Variants in XYLT1 observed in about 807,000 individuals in gnomAD.
The protein encoded by XYLT1 is xylosyltransferase 1, also known as beta-D-xylosyltransferase 1.
Under a neutral mutation model 91.3 loss-of-function variants are expected in XYLT1, and 36 were observed. That is an observed-to-expected ratio of 0.39 (90% CI 0.30 to 0.52). XYLT1 has a LOEUF of 0.52. Ranked by LOEUF, XYLT1 falls within the 20% of genes least tolerant of loss-of-function variation. The probability of loss-of-function intolerance (pLI) is 0.68; values close to 1 mark genes in which losing one functional copy is unlikely to be tolerated. For missense variants in XYLT1, 1,242 were observed against 1,284.5 expected (o/e 0.97, Z 0.51); for synonymous variants, 588 against 532.0 (o/e 1.11, Z -1.45).
chr16:17,323,638 C>T (rs1361328635), intron 2 of XYLT1, among the ~76,000 whole-genome samples: 1 of 152,170 alleles, frequency 6.6e-6, no homozygotes, highest in African/African-American at 2.4e-5. Context: ...ACATGTAGCC[C>T]AGGGGACATT....
intron 1 of XYLT1, 70 bp from the exon 2 acceptor site, chr16:17,358,120 TC>T: frequency 1.4e-6 from 2 of 1,380,964 alleles, no homozygotes; most frequent in Admixed American, 2.3e-5. Flanking sequence ...AGCATCTTTT[TC>T]TTTCTTTCCT....
In XYLT1 at chr16:17,448,165, C is replaced by T. The variant is rs147153307; in HGVS notation, c.363+22269G>A. Among the ~76,000 whole-genome samples the T allele has an allele frequency of 4.1e-3, 626 of 152,306 alleles. 3 individuals carry two copies. The highest frequency in any genetic ancestry group is 0.014 in the African/African-American group (585 of 41,560). ...GGTGGATCACTTGAGGTCAGGAGTT[C>T]AAGACCAGCCTGGCCAACATAGTGA... is the stretch of plus-strand genomic sequence containing the variant. On this transcript the variant is annotated intron_variant, in intron 1 of 11. Coordinates refer to ENST00000261381, the MANE Select transcript of XYLT1 (RefSeq NM_022166.4).
intron 1 of XYLT1, among the ~76,000 whole-genome samples, chr16:17,397,403 G>T (rs1452159881): frequency 6.6e-6 from 1 of 152,092 alleles, no homozygotes; most frequent in Non-Finnish European, 1.5e-5. Context: ...GACAACATTG[G>T]ATGGCTGGGA....
At chr16:17,137,531 G>C (rs1008238005) in intron 8 of XYLT1, 2 of 152,348 alleles carry the variant, frequency 1.3e-5, no homozygotes, top group Non-Finnish European at 2.9e-5. Context: ...GGGAGGGCTG[G>C]AGGAAGAAGC....
intron 2 of XYLT1, among the ~76,000 whole-genome samples, chr16:17,271,663 C>T (rs2033896859): frequency 6.6e-6 from 1 of 152,146 alleles, no homozygotes; most frequent in East Asian, 1.9e-4. Flanking sequence ...CCCACTAGAC[C>T]CCAGTCATGT....
At chr16:17,363,719 T>C (rs2035412390) in intron 1 of XYLT1, among the ~76,000 whole-genome samples, 1 of 152,138 alleles carries the variant, frequency 6.6e-6, no homozygotes, top group African/African-American at 2.4e-5. Flanking sequence ...TTTTAGAATA[T>C]TTTTAGTAGA....
intron 3 of XYLT1, among the ~76,000 whole-genome samples, chr16:17,235,307 A>ATTT (rs2033229811): frequency 3.8e-5 from 3 of 79,976 alleles, no homozygotes; most frequent in South Asian, 4.9e-4. Context: ...CATCATTATC[A>ATTT]TCTTTTTTTT....
chr16:17,440,168 G>C (rs888996569), intron 1 of XYLT1, among the ~76,000 whole-genome samples: 1 of 152,212 alleles, frequency 6.6e-6, no homozygotes, highest in Non-Finnish European at 1.5e-5. Flanking sequence ...ACTGAGGCCA[G>C]CTAACAACTA....
At chr16:17,386,314 A>C (rs1301824656) in intron 1 of XYLT1, among the ~76,000 whole-genome samples, 2 of 152,172 alleles carry the variant, frequency 1.3e-5, no homozygotes, top group Non-Finnish European at 2.9e-5. Flanking sequence ...GGATAACACT[A>C]CCTTAAAAGA....
At chr16:17,222,275 G>T (rs1469218428) in intron 3 of XYLT1, among the ~76,000 whole-genome samples, 1 of 152,158 alleles carries the variant, frequency 6.6e-6, no homozygotes, top group East Asian at 1.9e-4. Flanking sequence ...TCTCCCTGAG[G>T]ACATCTAGCA....
At chr16:17,297,963 G>T (rs1454089679) in intron 2 of XYLT1, among the ~76,000 whole-genome samples, 1 of 151,906 alleles carries the variant, frequency 6.6e-6, no homozygotes, top group Admixed American at 6.6e-5. Flanking sequence ...GGAGCTTGCA[G>T]TGAGCCGAGA....
At chr16:17,128,277 T>C (rs2030333930) in intron 9 of XYLT1, among the ~76,000 whole-genome samples, 1 of 152,264 alleles carries the variant, frequency 6.6e-6, no homozygotes, top group Non-Finnish European at 1.5e-5. Context: ...ATAGTTGGCA[T>C]CTATCTATCC....
At position 17,219,280 on chromosome 16, in the gene XYLT1, C is replaced by CAAAAAAAAAAAAAAAAAA. The variant is rs369055155; in HGVS notation, c.914-18644_914-18627dup. Among the ~76,000 whole-genome samples the CAAAAAAAAAAAAAAAAAA allele has an allele frequency of 8.6e-4, 73 of 84,892 alleles. 1 individual carries two copies. The highest frequency in any genetic ancestry group is 1.0e-3 in the Non-Finnish European group (48 of 45,736). 55.7% of individuals were successfully genotyped at this position (84,892 alleles called of 152,430 possible). Reference sequence around the variant, plus strand: ...TGGGCGACTAAGCAAGACTTTGTCTCAAAAAAAAAAAAAAAAAAAAAGAAA... The same window carrying CAAAAAAAAAAAAAAAAAA: ...TGGGCGACTAAGCAAGACTTTGTCTCAAAAAAAAAAAAAAAAAAAAAAAAAAAAAAAAAAAAAAAGAAA... On this transcript the variant is annotated intron_variant, in intron 3 of 11. Transcript: ENST00000261381.
rs1264612871 is a variant in XYLT1, at chr16:17,354,515, G to A, written c.402+3497C>T. On this transcript the variant is annotated intron_variant, in intron 2 of 11. Coordinates refer to ENST00000261381, the MANE Select transcript of XYLT1 (RefSeq NM_022166.4). Reference sequence around the variant, plus strand: ...CACAGCCGTGTTCTAATGCAGGCCAGGTCTTGGACAAGCAAAGCGGCTGAT... The same window carrying A: ...CACAGCCGTGTTCTAATGCAGGCCAAGTCTTGGACAAGCAAAGCGGCTGAT... 3.3e-5 allele frequency among the ~76,000 whole-genome samples: 5 copies of A among 152,326 alleles called. No homozygotes were observed. In the East Asian group the frequency reaches 9.7e-4, roughly 29 times the overall value.
At chr16:17,386,760 G>A (rs754218840) in intron 1 of XYLT1, among the ~76,000 whole-genome samples, 14 of 152,142 alleles carry the variant, frequency 9.2e-5, no homozygotes, top group Non-Finnish European at 1.9e-4. Context: ...TTTATTAAAT[G>A]TCCCAGGCAC....
intron 5 of XYLT1, among the ~76,000 whole-genome samples, chr16:17,176,935 G>C (rs2031957693): frequency 6.6e-6 from 1 of 151,516 alleles, no homozygotes; most frequent in Non-Finnish European, 1.5e-5. Flanking sequence ...CTTTTCAAAG[G>C]CTTCCCATTG....
intron 5 of XYLT1, among the ~76,000 whole-genome samples, chr16:17,177,526 G>C (rs2031972027): frequency 6.6e-6 from 1 of 152,172 alleles, no homozygotes; most frequent in African/African-American, 2.4e-5. Context: ...CCAGGTCCTG[G>C]CAAATGTCTG....
intron 4 of XYLT1, among the ~76,000 whole-genome samples, chr16:17,199,702 C>A (rs1050862021): frequency 6.6e-6 from 1 of 152,198 alleles, no homozygotes; most frequent in African/African-American, 2.4e-5. Context: ...TCTCATTTTT[C>A]TCTCTTGCTG....
At chr16:17,352,931 T>C (rs530177796) in intron 2 of XYLT1, among the ~76,000 whole-genome samples, 2 of 152,304 alleles carry the variant, frequency 1.3e-5, no homozygotes, top group African/African-American at 2.4e-5. Context: ...AATAAGGAAA[T>C]AGATGAATCC....
Sources: gnomAD v4.1 joint callset for allele counts (sites outside exome capture counted in the v4.1 genomes callset) on GRCh38, gnomAD v4.1.1 for gene constraint, MANE v1.5 for transcripts, NCBI Gene and HGNC (gene_info 2026-07-23, HGNC 2026-07-21) for gene names.